The following CADM2 variants were observed in gnomAD, a reference collection of about 807,000 sequenced individuals.
CADM2 encodes immunoglobulin superfamily member 4D.
A neutral mutation model predicts 49.8 loss-of-function variants in CADM2; 12 were observed. The observed-to-expected ratio is 0.24, with a 90% CI of 0.15 to 0.39. The LOEUF is 0.39. CADM2 is among the 10% of genes least tolerant of loss of function. The probability of loss-of-function intolerance (pLI) is 1.00; values close to 1 mark genes in which losing one functional copy is unlikely to be tolerated. For synonymous variants in CADM2, 214 were observed against 175.4 expected (o/e 1.22, Z -1.74); for missense variants, 378 against 492.3 (o/e 0.77, Z 2.20).
chr3:85,596,334 A>C (rs568318543), intron 1 of CADM2, among the ~76,000 whole-genome samples: 1 of 151,982 alleles, frequency 6.6e-6, no homozygotes, highest in African/African-American at 2.4e-5. Context: ...TTAGACCATA[A>C]ATGAAAAAAT....
chr3:85,107,015 G>C (rs2038252851), intron 1 of CADM2, among the ~76,000 whole-genome samples: 1 of 152,052 alleles, frequency 6.6e-6, no homozygotes, highest in African/African-American at 2.4e-5. Context: ...GAAAAAGTGG[G>C]ACAGGGAGAC....
At chr3:85,771,133 A>G (rs554549018) in intron 2 of CADM2, among the ~76,000 whole-genome samples, 1 of 152,272 alleles carries the variant, frequency 6.6e-6, no homozygotes, top group Non-Finnish European at 1.5e-5. Context: ...GAGCCCTGAA[A>G]GTAAGCACTT....
intron 2 of CADM2, among the ~76,000 whole-genome samples, chr3:85,790,785 G>C (rs937152552): frequency 3.9e-5 from 6 of 152,136 alleles, no homozygotes; most frequent in Non-Finnish European, 8.8e-5. Context: ...CCAGCTGCCA[G>C]CCAGCTTTGT....
chr3:85,340,576 A>G (rs1265571922), intron 1 of CADM2, among the ~76,000 whole-genome samples: 3 of 151,580 alleles, frequency 2.0e-5, no homozygotes, highest in African/African-American at 4.8e-5. Context: ...GGTGTTTGCT[A>G]TATATTTTGA....
intron 1 of CADM2, among the ~76,000 whole-genome samples, chr3:85,515,651 TA>T (rs2060884199): frequency 6.8e-6 from 1 of 148,100 alleles, no homozygotes; most frequent in African/African-American, 2.5e-5. Context: ...TTTGTATCTT[TA>T]GTAGAGACAG....
At chr3:86,041,148 C>A (rs745898221) in intron 8 of CADM2, among the ~76,000 whole-genome samples, 1 of 152,098 alleles carries the variant, frequency 6.6e-6, no homozygotes, top group East Asian at 1.9e-4. Flanking sequence ...TAAAGACCGT[C>A]GAGGCTAAGA....
chr3:85,280,164 C>T (rs577909996), intron 1 of CADM2, among the ~76,000 whole-genome samples: 1 of 151,700 alleles, frequency 6.6e-6, no homozygotes. Flanking sequence ...AAAAACTGTA[C>T]ATTTTTACTT....
chr3:85,243,417 A>T (rs1293107508), intron 1 of CADM2, among the ~76,000 whole-genome samples: 2 of 152,060 alleles, frequency 1.3e-5, no homozygotes, highest in Non-Finnish European at 2.9e-5. Context: ...CTTATCACTT[A>T]GGTATGTGCC....
chr3:84,959,573 C>T lies in CADM2; in HGVS notation c.-35C>T. 6.5e-7 allele frequency: 1 copy of T among 1,533,412 alleles called. No homozygotes were observed. The highest frequency in any genetic ancestry group is 1.4e-5 in the African/African-American group (1 of 73,082). 95.0% of individuals were successfully genotyped at this position (1,533,412 alleles called of 1,614,324 possible). On this transcript the variant is annotated 5_prime_UTR_variant, in exon 1 of 10. Transcript: ENST00000383699. The stretch of plus-strand genomic sequence containing the variant: ...CCCGCTCACCAGCATCTACTTGCCC[C>T]CTCGTTCCTTCCCCAGCCCTTTAGA...
chr3:85,261,612 T>G (rs2043015500), intron 1 of CADM2, among the ~76,000 whole-genome samples: 1 of 152,276 alleles, frequency 6.6e-6, no homozygotes, highest in South Asian at 2.1e-4. Flanking sequence ...TTCTATAAGA[T>G]AGTAAGTTAA....
chr3:85,528,566 T>C (rs541498599), intron 1 of CADM2, among the ~76,000 whole-genome samples: 59 of 152,324 alleles, frequency 3.9e-4, no homozygotes, highest in African/African-American at 1.3e-3. Flanking sequence ...AGCATAACCC[T>C]CTTCTAACCA....
At chr3:85,067,997 C>T (rs763859164) in intron 1 of CADM2, among the ~76,000 whole-genome samples, 31 of 152,024 alleles carry the variant, frequency 2.0e-4, no homozygotes, top group Non-Finnish European at 4.1e-4. Context: ...GAAGTATGGA[C>T]AGGGATAGAG....
chr3:85,004,812 A>C (rs1267182149), intron 1 of CADM2, among the ~76,000 whole-genome samples: 1 of 152,158 alleles, frequency 6.6e-6, no homozygotes, highest in Non-Finnish European at 1.5e-5. Flanking sequence ...GATAGTGTTC[A>C]TGGATTTTAA....
chr3:85,300,357 AT>A (rs1031003230), intron 1 of CADM2, among the ~76,000 whole-genome samples: 15 of 152,086 alleles, frequency 9.9e-5, no homozygotes, highest in African/African-American at 3.1e-4. Context: ...TGTTCTTTCT[AT>A]TTTTTGTGTT....
chr3:85,032,585 A>T (rs2035034011), intron 1 of CADM2, among the ~76,000 whole-genome samples: 1 of 152,188 alleles, frequency 6.6e-6, no homozygotes, highest in South Asian at 2.1e-4. Context: ...TAGTATATCT[A>T]TCAATTCTGT....
chr3:85,722,821 T>C (rs2067556376), intron 1 of CADM2, among the ~76,000 whole-genome samples: 1 of 152,168 alleles, frequency 6.6e-6, no homozygotes, highest in South Asian at 2.1e-4. Context: ...TAATAGTCCC[T>C]GAATTCCATT....
intron 1 of CADM2, among the ~76,000 whole-genome samples, chr3:85,494,055 T>C (rs1576653652): frequency 6.6e-6 from 1 of 152,188 alleles, no homozygotes; most frequent in Admixed American, 6.5e-5. Flanking sequence ...CCAATACTTG[T>C]TAAATGCATC....
chr3:85,815,875 G>A (rs1404928057), intron 3 of CADM2, among the ~76,000 whole-genome samples: 1 of 152,094 alleles, frequency 6.6e-6, no homozygotes, highest in Non-Finnish European at 1.5e-5. Context: ...ATCTCCTTAA[G>A]CTGATAAGCA....
Position 85,761,021 on chromosome 3 carries a change from G to T in CADM2, c.88+34473G>T, listed in dbSNP as rs186219995. 4.9e-3 allele frequency among the ~76,000 whole-genome samples: 747 copies of T among 152,210 alleles called. 5 individuals carry two copies. The highest frequency in any genetic ancestry group is 7.6e-3 in the Non-Finnish European group (518 of 68,010). ...AGTATTTTATAGTATTAGAGTTAAT[G>T]CCTTGGCCATTTTCTTTAGTTCAAC... is the stretch of plus-strand genomic sequence containing the variant. On this transcript the variant is annotated intron_variant, in intron 2 of 9. Coordinates refer to ENST00000383699, the MANE Select transcript of CADM2 (RefSeq NM_001167675.2).
Sources: allele counts gnomAD v4.1 joint callset (sites outside exome capture counted in the v4.1 genomes callset), GRCh38; gene constraint gnomAD v4.1.1; transcripts MANE v1.5; gene names NCBI Gene and HGNC (gene_info 2026-07-23, HGNC 2026-07-21).